MAGI2: variants seen among roughly 807,000 people sequenced by gnomAD.
MAGI2 encodes membrane associated guanylate kinase, WW and PDZ domain containing 2, also known as membrane-associated guanylate kinase, WW and PDZ domain-containing protein 2.
In MAGI2, 35 loss-of-function variants were observed where a neutral mutation model predicts 133.3. That is an observed-to-expected ratio of 0.26 (90% CI 0.20 to 0.35). The LOEUF (loss-of-function observed/expected upper bound fraction) is 0.35. Ranked by LOEUF, MAGI2 falls within the 10% of genes least tolerant of loss-of-function variation. MAGI2 has a pLI of 1.00. For missense variants in MAGI2, 1,636 were observed against 1,863.4 expected (o/e 0.88, Z 2.25); for synonymous variants, 729 against 710.6 (o/e 1.03, Z -0.41).
chr7:79,090,001 A>AT (rs1393470197), intron 1 of MAGI2, among the ~76,000 whole-genome samples: 13 of 152,186 alleles, frequency 8.5e-5, no homozygotes, highest in Non-Finnish European at 1.6e-4. Context: ...TTAAAGTATA[A>AT]TAAAAAAAAA....
At chr7:78,534,258 A>G (rs1252067580) in intron 3 of MAGI2, among the ~76,000 whole-genome samples, 1 of 152,208 alleles carries the variant, frequency 6.6e-6, no homozygotes, top group African/African-American at 2.4e-5. Context: ...AGGCTTTTTA[A>G]GAAAAAAAAT....
At chr7:78,183,984 G>A (rs963093532) in intron 13 of MAGI2, among the ~76,000 whole-genome samples, 1 of 152,166 alleles carries the variant, frequency 6.6e-6, no homozygotes, top group Admixed American at 6.5e-5. Context: ...GCACAGTAAC[G>A]TAATATACCC....
At chr7:78,783,788 T>C (rs563271423) in intron 2 of MAGI2, among the ~76,000 whole-genome samples, 2 of 152,320 alleles carry the variant, frequency 1.3e-5, no homozygotes, top group African/African-American at 2.4e-5. Flanking sequence ...CCTGTGTACA[T>C]TGTTAAATAG....
intron 6 of MAGI2, among the ~76,000 whole-genome samples, chr7:78,391,691 A>C (rs1795909123): frequency 6.6e-6 from 1 of 152,220 alleles, no homozygotes; most frequent in Admixed American, 6.5e-5. Flanking sequence ...TTAACTTTGC[A>C]AAGCATGAAA....
At chr7:79,452,609 G>A (rs1044070690) in intron 1 of MAGI2, among the ~76,000 whole-genome samples, 1 of 152,018 alleles carries the variant, frequency 6.6e-6, no homozygotes, top group African/African-American at 2.4e-5. Context: ...TGATGCCGCT[G>A]CACCCTGAAG....
At chr7:78,346,182 G>T (rs566131890) in intron 7 of MAGI2, 139 bp from the exon 8 acceptor site, 1 of 904,496 alleles carries the variant, frequency 1.1e-6, no homozygotes, top group South Asian at 1.6e-5. Context: ...CACGCGGTCA[G>T]GCTCCTGACT....
intron 6 of MAGI2, among the ~76,000 whole-genome samples, chr7:78,453,034 G>C (rs1788897282): frequency 2.0e-5 from 3 of 151,910 alleles, no homozygotes. Flanking sequence ...CATGTTCACT[G>C]TAAGTTGAAT....
Position 78,817,343 on chromosome 7 carries a change from G to A in MAGI2, c.418+189747C>T, listed in dbSNP as rs183038219. Among the ~76,000 whole-genome samples, 1,078 of 152,278 alleles carry A rather than the reference G, an allele frequency of 7.1e-3. 14 individuals are homozygous for A. Among genetic ancestry groups the A allele is most frequent in the African/African-American group, 0.025 (1,030 of 41,546 alleles). ...TCTAGAATATTACATCAACTTAATCGACAAAGCAATGGCAGGGTTTGAAAG... is the reference window on the plus strand; with the variant it reads ...TCTAGAATATTACATCAACTTAATCAACAAAGCAATGGCAGGGTTTGAAAG... On this transcript the variant is annotated intron_variant, in intron 2 of 21. Coordinates refer to ENST00000354212, the MANE Select transcript of MAGI2 (RefSeq NM_012301.4).
At chr7:78,233,339 G>A (rs184109783) in intron 10 of MAGI2, among the ~76,000 whole-genome samples, 21 of 152,208 alleles carry the variant, frequency 1.4e-4, no homozygotes, top group South Asian at 6.2e-4. Context: ...AGATATGAGC[G>A]TCCCGGAAGC....
chr7:78,929,728 C>T (rs531420931), intron 2 of MAGI2, among the ~76,000 whole-genome samples: 4 of 152,050 alleles, frequency 2.6e-5, no homozygotes, highest in African/African-American at 7.2e-5. Flanking sequence ...TCTGATAATC[C>T]CCCTATCTGA....
chr7:78,228,044 T>C (rs1360083252), intron 10 of MAGI2, among the ~76,000 whole-genome samples: 1 of 152,216 alleles, frequency 6.6e-6, no homozygotes, highest in Non-Finnish European at 1.5e-5. Flanking sequence ...AAAGCAGCCA[T>C]TGAGAATGCT....
Position 79,036,120 on chromosome 7 carries a change from C to T in MAGI2, c.302-28914G>A, listed in dbSNP as rs561071215. On this transcript the variant is annotated intron_variant, in intron 1 of 21. Coordinates refer to ENST00000354212, the MANE Select transcript of MAGI2 (RefSeq NM_012301.4). ...ATGCCACTTTGTAAAATGTGACAGC[C>T]CAGTAAGTTAGGATGAGCTAAATTA... Among the ~76,000 whole-genome samples the T allele has an allele frequency of 5.3e-5, 8 of 152,234 alleles. No individual in the cohort carries two copies. The South Asian group carries it at 1.5e-3, about 28-fold the overall frequency.
chr7:79,188,486 A>G (rs1409272681), intron 1 of MAGI2, among the ~76,000 whole-genome samples: 1 of 151,784 alleles, frequency 6.6e-6, no homozygotes, highest in African/African-American at 2.4e-5. Flanking sequence ...ATAGTATTCC[A>G]TGGTGTATAT....
chr7:78,491,871 TTGTGTGTGTGTGTGTG>T (rs10598552), intron 5 of MAGI2, among the ~76,000 whole-genome samples: 67 of 141,200 alleles, frequency 4.7e-4, no homozygotes, highest in South Asian at 2.9e-3. Flanking sequence ...TCCGTTCAAA[TTGTGTGTGTGTGTGTG>T]TGTGTGTGTG....
chr7:78,586,798 G>A (rs1371218763), intron 3 of MAGI2, among the ~76,000 whole-genome samples: 2 of 152,184 alleles, frequency 1.3e-5, no homozygotes, highest in East Asian at 1.9e-4. Flanking sequence ...ACCACTCTAC[G>A]TAGTTGACAT....
intron 7 of MAGI2, among the ~76,000 whole-genome samples, chr7:78,346,376 A>G (rs2151192554): frequency 6.6e-6 from 1 of 152,336 alleles, no homozygotes; most frequent in Admixed American, 6.5e-5. Flanking sequence ...TGGTCAAGAA[A>G]TGAAATTTAT....
At chr7:78,462,828 C>T (rs1041512168) in intron 6 of MAGI2, among the ~76,000 whole-genome samples, 2 of 152,324 alleles carry the variant, frequency 1.3e-5, no homozygotes, top group African/African-American at 4.8e-5. Context: ...CCTGCCTTGA[C>T]AAACCCGCGT....
In MAGI2 at chr7:78,150,114, C is replaced by T. The variant is rs1259683361; in HGVS notation, c.2845+9911G>A. 2.0e-5 allele frequency among the ~76,000 whole-genome samples: 3 copies of T among 152,220 alleles called. No individual in the cohort carries two copies. The South Asian group carries it at 6.2e-4, about 32-fold the overall frequency. On this transcript the variant is annotated intron_variant, in intron 16 of 21. Coordinates refer to ENST00000354212, the MANE Select transcript of MAGI2 (RefSeq NM_012301.4). ...GTGGTCAAATGCACAAATAAAAAAT[C>T]TTTTACCAAGATTTGGTGTGGTAGG... is the stretch of plus-strand genomic sequence containing the variant.
chr7:78,825,599 T>C (rs991160889), intron 2 of MAGI2, among the ~76,000 whole-genome samples: 1 of 152,222 alleles, frequency 6.6e-6, no homozygotes, highest in Non-Finnish European at 1.5e-5. Context: ...AAAAACTAGT[T>C]TTTTTAAAAA....
Sources: allele counts gnomAD v4.1 joint callset (sites outside exome capture counted in the v4.1 genomes callset), GRCh38; gene constraint gnomAD v4.1.1; transcripts MANE v1.5; gene names NCBI Gene and HGNC (gene_info 2026-07-23, HGNC 2026-07-21).